Variants in CSMD1 observed in about 807,000 individuals in gnomAD.
The protein encoded by CSMD1 is CUB and Sushi multiple domains 1.
In CSMD1, 213 loss-of-function variants were observed where a neutral mutation model predicts 417.5. The observed-to-expected ratio is 0.51, with a 90% confidence interval of 0.46 to 0.57. CSMD1 has a LOEUF of 0.57. CSMD1 is among the 20% of genes least tolerant of loss of function. The pLI is 0.00. For synonymous variants in CSMD1, 2,862 were observed against 1,736.8 expected (o/e 1.65, Z -16.11); for missense variants, 6,923 against 4,529.7 (o/e 1.53, Z -15.17).
At chr8:3,037,443 C>T (rs1279245030) in intron 50 of CSMD1, among the ~76,000 whole-genome samples, 2 of 152,008 alleles carry the variant, frequency 1.3e-5, no homozygotes, top group Non-Finnish European at 2.9e-5. Context: ...CTTCTGACCT[C>T]GTGATCCGCC....
intron 12 of CSMD1, among the ~76,000 whole-genome samples, chr8:3,456,738 C>G (rs1816168719): frequency 6.6e-6 from 1 of 152,136 alleles, no homozygotes. Context: ...GTTGATTTCT[C>G]TCTTTCAGAA....
intron 7 of CSMD1, chr8:3,702,183 G>A (rs1360087165): frequency 1.3e-5 from 2 of 152,258 alleles, no homozygotes; most frequent in East Asian, 3.9e-4. Flanking sequence ...ATTAAATAAT[G>A]GTTCTGGATT....
chr8:3,727,748 G>A (rs536089903), intron 6 of CSMD1, among the ~76,000 whole-genome samples: 6 of 152,192 alleles, frequency 3.9e-5, no homozygotes, highest in Non-Finnish European at 8.8e-5. Flanking sequence ...TAAAGATAAT[G>A]TGATCTGACC....
intron 49 of CSMD1, among the ~76,000 whole-genome samples, chr8:3,061,304 T>C (rs1022877920): frequency 6.6e-5 from 10 of 152,240 alleles, no homozygotes; most frequent in Non-Finnish European, 1.3e-4. Context: ...TCACATTTAT[T>C]ATTTTGTCAT....
At chr8:2,972,721 A>G (rs1043841759) in intron 57 of CSMD1, among the ~76,000 whole-genome samples, 2 of 152,210 alleles carry the variant, frequency 1.3e-5, no homozygotes, top group African/African-American at 4.8e-5. Context: ...ATTGGAAATG[A>G]CGTGTGAAGG....
At chr8:3,712,893 T>C (rs7008524) in intron 6 of CSMD1, among the ~76,000 whole-genome samples, 52,629 of 151,916 alleles carry the variant, frequency 0.35, 9,350 homozygotes, top group East Asian at 0.5. Flanking sequence ...ACAATTTCAG[T>C]TTGACAGAAG....
At chr8:3,338,631 G>C (rs940691456) in intron 23 of CSMD1, among the ~76,000 whole-genome samples, 12 of 152,152 alleles carry the variant, frequency 7.9e-5, no homozygotes, top group Admixed American at 3.9e-4. Context: ...CGTGATACCA[G>C]CTATGCAGCT....
intron 36 of CSMD1, chr8:3,182,895 T>TGTGTGTGTGTGTGC (rs1821482313): frequency 7.1e-6 from 1 of 141,648 alleles, no homozygotes; most frequent in Non-Finnish European, 1.5e-5. Context: ...TGTGTGTGTG[T>TGTGTGTGTGTGTGC]GTATTGTTAG....
chr8:3,686,460 T>C (rs753554489), intron 7 of CSMD1, among the ~76,000 whole-genome samples: 4 of 152,140 alleles, frequency 2.6e-5, no homozygotes, highest in African/African-American at 7.2e-5. Context: ...CCCCACCATA[T>C]GCTGCTCTGG....
At chr8:3,536,466 A>G (rs567913481) in intron 10 of CSMD1, among the ~76,000 whole-genome samples, 32 of 152,320 alleles carry the variant, frequency 2.1e-4, no homozygotes, top group Middle Eastern at 3.4e-3. Context: ...AAGTTGGGCC[A>G]GGTTTCCTCT....
intron 57 of CSMD1, 79 bp from the exon 58 acceptor site, chr8:2,966,825 A>G: frequency 3.1e-6 from 4 of 1,300,296 alleles, no homozygotes; most frequent in East Asian, 2.5e-5. Context: ...ACCAATGGGT[A>G]TCAGTGCAAT....
chr8:4,802,304 C>G (rs1798335925), intron 1 of CSMD1, among the ~76,000 whole-genome samples: 1 of 152,028 alleles, frequency 6.6e-6, no homozygotes, highest in African/African-American at 2.4e-5. Flanking sequence ...TCATCTTGAC[C>G]TATGACTGGT....
At chr8:3,505,970 G>A (rs1431013201) in intron 10 of CSMD1, among the ~76,000 whole-genome samples, 1 of 152,160 alleles carries the variant, frequency 6.6e-6, no homozygotes, top group East Asian at 1.9e-4. Flanking sequence ...GAAAGGAAGA[G>A]GGTTGAGTGG....
chr8:4,730,728 G>A (rs376092367), intron 1 of CSMD1, among the ~76,000 whole-genome samples: 14 of 151,156 alleles, frequency 9.3e-5, no homozygotes, highest in Non-Finnish European at 1.9e-4. Context: ...GCGACAGAGC[G>A]AGACTCCATT....
intron 6 of CSMD1, among the ~76,000 whole-genome samples, chr8:3,731,256 C>T (rs1028983123): frequency 6.6e-6 from 1 of 152,188 alleles, no homozygotes; most frequent in African/African-American, 2.4e-5. Context: ...GACGTGCATT[C>T]TACATTGACC....
intron 1 of CSMD1, among the ~76,000 whole-genome samples, chr8:4,675,795 C>A (rs889123168): frequency 2.0e-5 from 3 of 152,150 alleles, no homozygotes; most frequent in Non-Finnish European, 1.5e-5. Context: ...TTCAGGTACT[C>A]TGTTTTCTTT....
chr8:3,625,722 T>TTA (rs1474106884), intron 7 of CSMD1, among the ~76,000 whole-genome samples: 1 of 152,166 alleles, frequency 6.6e-6, no homozygotes, highest in East Asian at 1.9e-4. Flanking sequence ...TCATTCAACA[T>TTA]TATTCTTACT....
rs553737172 is a variant in CSMD1, at chr8:3,826,169, G to C, written c.819-72127C>G. On this transcript the variant is annotated intron_variant, in intron 5 of 69. Coordinates refer to ENST00000635120, the MANE Select transcript of CSMD1 (RefSeq NM_033225.6). ...GAATACATCAAAGTGACGAGGCTTT[G>C]ACTGAGTTGAAAGCCCTGTGGAGGC... 5.3e-5 allele frequency among the ~76,000 whole-genome samples: 8 copies of C among 152,198 alleles called. No individual in the cohort carries two copies. In the South Asian group the frequency reaches 1.2e-3, roughly 24 times the overall value.
chr8:4,541,444 G>C (rs551370107), intron 2 of CSMD1, among the ~76,000 whole-genome samples: 3 of 152,166 alleles, frequency 2.0e-5, no homozygotes, highest in Admixed American at 6.5e-5. Flanking sequence ...CTTGGATCAA[G>C]GTGTCCCACG....
Sources: allele counts gnomAD v4.1 joint callset (sites outside exome capture counted in the v4.1 genomes callset), GRCh38; gene constraint gnomAD v4.1.1; transcripts MANE v1.5; gene names NCBI Gene and HGNC (gene_info 2026-07-23, HGNC 2026-07-21).